HPCAL1: variants seen among roughly 807,000 people sequenced by gnomAD.
The protein encoded by HPCAL1 is hippocalcin like 1, also known as hippocalcin-like protein 1.
Under a neutral mutation model 17.1 loss-of-function variants are expected in HPCAL1, and 8 were observed. The ratio of observed to expected loss-of-function variants is 0.47; its 90% CI spans 0.27 to 0.84. The LOEUF (loss-of-function observed/expected upper bound fraction) is 0.84. Ranked by LOEUF, HPCAL1 falls within the 40% of genes least tolerant of loss-of-function variation. The probability of loss-of-function intolerance (pLI) is 0.13; values close to 1 mark genes in which losing one functional copy is unlikely to be tolerated. For synonymous variants in HPCAL1, 112 were observed against 111.4 expected (o/e 1.01, Z -0.03); for missense variants, 165 against 271.1 (o/e 0.61, Z 2.75).
At position 10,382,544 on chromosome 2, in the gene HPCAL1, C is replaced by T. The variant is rs146567475; in HGVS notation, c.-110-14291C>T. ...TATGTAGAGAACTCTGTGCTTTCCA[C>T]GCGATTTTGCTGTGAACTAAACAGC... On this transcript the variant is annotated intron_variant, in intron 1 of 4. Transcript: ENST00000307845. 2.9e-3 allele frequency among the ~76,000 whole-genome samples: 435 copies of T among 148,540 alleles called. 6 individuals are homozygous for T. The highest frequency in any genetic ancestry group is 9.9e-3 in the African/African-American group (397 of 39,932).
intron 1 of HPCAL1, among the ~76,000 whole-genome samples, chr2:10,379,352 G>A (rs1255377265): frequency 6.6e-6 from 1 of 151,592 alleles, no homozygotes; most frequent in East Asian, 2.0e-4. Context: ...ACTTTGGAGG[G>A]AAAGTGTTTG....
At chr2:10,358,679 C>T (rs9678729) in intron 1 of HPCAL1, among the ~76,000 whole-genome samples, 19,996 of 152,128 alleles carry the variant, frequency 0.13, 1,896 homozygotes, top group East Asian at 0.49. Flanking sequence ...GCTGGCAGGC[C>T]ACTGACCAGC....
At chr2:10,338,187 T>C (rs1558630) in intron 1 of HPCAL1, among the ~76,000 whole-genome samples, 9,375 of 151,926 alleles carry the variant, frequency 0.062, 816 homozygotes, top group African/African-American at 0.19. Flanking sequence ...GGAGGAGGGA[T>C]GGGAAGCGAC....
chr2:10,340,039 C>G (rs114224842), intron 1 of HPCAL1, among the ~76,000 whole-genome samples: 1,703 of 152,328 alleles, frequency 0.011, 35 homozygotes, highest in African/African-American at 0.04. Context: ...CTGGTAAAAT[C>G]TGTGGTCCTG....
At chr2:10,358,108 A>C (rs1666290433) in intron 1 of HPCAL1, among the ~76,000 whole-genome samples, 1 of 152,240 alleles carries the variant, frequency 6.6e-6, no homozygotes. Flanking sequence ...AAGAAGGAGA[A>C]GGCTCAGCAC....
intron 2 of HPCAL1, among the ~76,000 whole-genome samples, chr2:10,400,207 C>A (rs1327284097): frequency 6.6e-6 from 1 of 152,190 alleles, no homozygotes; most frequent in African/African-American, 2.4e-5. Context: ...GCAGGCGGCT[C>A]AGCCAGGTCG....
intron 1 of HPCAL1, among the ~76,000 whole-genome samples, chr2:10,309,015 AT>A (rs1662793339): frequency 6.6e-6 from 1 of 151,864 alleles, no homozygotes; most frequent in South Asian, 2.1e-4. Flanking sequence ...CCTGGGCAAT[AT>A]TGTGAGACCC....
chr2:10,407,594 G>A (rs1182479108), intron 2 of HPCAL1, among the ~76,000 whole-genome samples: 11 of 152,238 alleles, frequency 7.2e-5, no homozygotes, highest in Admixed American at 7.2e-4. Flanking sequence ...GAAATGCTGA[G>A]AAAGGGGTCA....
chr2:10,387,907 G>A (rs1668421158), intron 1 of HPCAL1, among the ~76,000 whole-genome samples: 1 of 152,128 alleles, frequency 6.6e-6, no homozygotes, highest in South Asian at 2.1e-4. Context: ...TTTCTCCTTT[G>A]CAGTTGAACA....
At chr2:10,366,459 C>T (rs1666863859) in intron 1 of HPCAL1, among the ~76,000 whole-genome samples, 1 of 152,182 alleles carries the variant, frequency 6.6e-6, no homozygotes, top group Non-Finnish European at 1.5e-5. Flanking sequence ...TGGTCTCGAA[C>T]TCCTGACCTC....
intron 1 of HPCAL1, among the ~76,000 whole-genome samples, chr2:10,391,262 C>A (rs1344210441): frequency 6.6e-6 from 1 of 152,142 alleles, no homozygotes; most frequent in African/African-American, 2.4e-5. Context: ...TGGTACCCAT[C>A]CATCCCTTCC....
intron 1 of HPCAL1, among the ~76,000 whole-genome samples, chr2:10,353,092 C>A (rs914309278): frequency 6.6e-6 from 1 of 152,102 alleles, no homozygotes; most frequent in African/African-American, 2.4e-5. Flanking sequence ...GGCAGGCAGT[C>A]GTGCCGATGC....
At chr2:10,399,544 TCACCGCCACCACTACCGC>T (rs1434413427) in intron 2 of HPCAL1, among the ~76,000 whole-genome samples, 11 of 19,672 alleles carry the variant, frequency 5.6e-4, no homozygotes, top group East Asian at 1.7e-3. Flanking sequence ...ACCGCCACCA[TCACCGCCACCACTACCGC>T]CACCGCCACC....
At chr2:10,320,893 A>G (rs766610961) in intron 1 of HPCAL1, among the ~76,000 whole-genome samples, 4 of 152,230 alleles carry the variant, frequency 2.6e-5, no homozygotes, top group Non-Finnish European at 5.9e-5. Flanking sequence ...AGCAGATTAT[A>G]TTGTATAATA....
intron 1 of HPCAL1, among the ~76,000 whole-genome samples, chr2:10,328,615 G>A (rs1214638082): frequency 2.6e-5 from 4 of 152,108 alleles, no homozygotes; most frequent in Admixed American, 6.5e-5. Context: ...TGGAGCTCCC[G>A]GTTCTCAGGC....
chr2:10,411,987 G>A (rs1371263910), intron 2 of HPCAL1, among the ~76,000 whole-genome samples: 1 of 152,148 alleles, frequency 6.6e-6, no homozygotes, highest in Non-Finnish European at 1.5e-5. Context: ...CTGGGGTGGG[G>A]GTGGTTACCT....
chr2:10,337,163 G>T (rs1421673672), intron 1 of HPCAL1, among the ~76,000 whole-genome samples: 1 of 152,150 alleles, frequency 6.6e-6, no homozygotes, highest in Non-Finnish European at 1.5e-5. Flanking sequence ...CCCAACCAGT[G>T]TTGGCGGGGT....
At chr2:10,411,977 C>T (rs1301244236) in intron 2 of HPCAL1, among the ~76,000 whole-genome samples, 1 of 152,102 alleles carries the variant, frequency 6.6e-6, no homozygotes, top group Non-Finnish European at 1.5e-5. Flanking sequence ...GGAGATGGGG[C>T]TGGGGTGGGG....
intron 2 of HPCAL1, among the ~76,000 whole-genome samples, chr2:10,417,849 C>A (rs140909897): frequency 6.6e-6 from 1 of 151,272 alleles, no homozygotes; most frequent in Non-Finnish European, 1.5e-5. Context: ...TGAGACTGGC[C>A]TGGGCAAAAT....
Sources: allele counts gnomAD v4.1 joint callset (sites outside exome capture counted in the v4.1 genomes callset), GRCh38; gene constraint gnomAD v4.1.1; transcripts MANE v1.5; gene names NCBI Gene and HGNC (gene_info 2026-07-23, HGNC 2026-07-21).